The following ATG16L1 variants were observed in gnomAD, a reference collection of about 807,000 sequenced individuals.
The protein encoded by ATG16L1 is autophagy related 16 like 1.
ATG16L1 carries 37 observed loss-of-function variants against 88.5 expected under a neutral mutation model. The observed-to-expected ratio is 0.42, with a 90% CI of 0.32 to 0.55. The LOEUF (loss-of-function observed/expected upper bound fraction) is 0.55, where lower values mean the gene tolerates loss of function less well. Among genes scored for constraint, ATG16L1 ranks in the 20% least tolerant of loss-of-function variants. The pLI, the probability that ATG16L1 is intolerant of heterozygous loss-of-function variation, is 0.13. For synonymous variants in ATG16L1, 301 were observed against 281.0 expected, an observed-to-expected ratio of 1.07 and a Z score of -0.71; for missense variants, 554 against 752.8, an observed-to-expected ratio of 0.74 and a Z score of 3.09.
chr2:233,292,062 C>T (rs1574909048), intron 14 of ATG16L1, 66 bp from the exon 15 acceptor site: 4 of 1,559,638 alleles, frequency 2.6e-6, no homozygotes, highest in East Asian at 4.5e-5. Context: ...CTTTTTTTTC[C>T]TCCACGGCAT....
At chr2:233,274,158 G>T in intron 8 of ATG16L1, 1 of 1,151,274 alleles carries the variant, frequency 8.7e-7, no homozygotes, top group African/African-American at 1.5e-5. Flanking sequence ...AGGATGCTTT[G>T]CATGTTCCTA....
chr2:233,264,973 A>G lies in ATG16L1; in HGVS notation c.471A>G (p.Arg157=). ...DLRTKLCDLE[R]ANQTLKDEYD... ...GCACTAAGCTTTGTGACCTTGAAAG[A>G]GCCAACCAGACCCTGAAGGATGAAT... is the stretch of plus-strand genomic sequence containing the variant. Residue 157 remains arginine, a synonymous_variant, in exon 5 of 18, where the codon AGA becomes AGG. Transcript: ENST00000392017. 6.2e-7 allele frequency: 1 copy of G among 1,614,164 alleles called. No homozygotes were observed. Among genetic ancestry groups the G allele is most frequent in the Non-Finnish European group, 8.5e-7 (1 of 1,180,020 alleles).
At position 233,251,707 on chromosome 2, in the gene ATG16L1, T is replaced by G; in HGVS notation, c.-121T>G. The G allele has an allele frequency of 1.2e-6, 1 of 855,860 alleles. No homozygotes were observed. Among genetic ancestry groups the G allele is most frequent in the Non-Finnish European group, 1.9e-6 (1 of 532,340 alleles). 53.0% of individuals were successfully genotyped at this position (855,860 alleles called of 1,614,324 possible). On this transcript the variant is annotated 5_prime_UTR_variant, in exon 1 of 18. Transcript: ENST00000392017. ...CGGATGGCCTCGGGGACTGCCAGTG[T>G]GTGGAGGTGAGCTCCGGGATTGCCG...
At chr2:233,289,086 T>C in intron 12 of ATG16L1, 1 of 343,236 alleles carries the variant, frequency 2.9e-6, no homozygotes, top group South Asian at 2.3e-5. Flanking sequence ...CATCGAGGCT[T>C]TAAAAATTCT....
At chr2:233,275,228 G>A (rs1698267546) in intron 9 of ATG16L1, among the ~76,000 whole-genome samples, 1 of 152,150 alleles carries the variant, frequency 6.6e-6, no homozygotes, top group Admixed American at 6.5e-5. Context: ...AAGCAGTCCT[G>A]GGCAGAAGCC....
chr2:233,278,563 G>A (rs57581294), intron 10 of ATG16L1, among the ~76,000 whole-genome samples: 2,831 of 152,268 alleles, frequency 0.019, 93 homozygotes, highest in African/African-American at 0.064. Context: ...ATAAAACTCA[G>A]ATACTACGTG....
At chr2:233,256,483 A>G (rs1235261272) in intron 2 of ATG16L1, among the ~76,000 whole-genome samples, 1 of 152,076 alleles carries the variant, frequency 6.6e-6, no homozygotes, top group South Asian at 2.1e-4. Flanking sequence ...GCCAGGATTC[A>G]TGTTTTTTTG....
intron 9 of ATG16L1, chr2:233,275,898 C>G (rs774995875): frequency 1.9e-6 from 1 of 519,108 alleles, no homozygotes; most frequent in South Asian, 1.4e-5. Context: ...TGAGAGTGAT[C>G]GGCTCACAGC....
intron 12 of ATG16L1, chr2:233,283,025 A>T (rs1230895129): frequency 2.8e-6 from 1 of 355,628 alleles, no homozygotes; most frequent in African/African-American, 2.1e-5. Context: ...GGTAGATAGC[A>T]ATTTTGGCTT....
At chr2:233,265,228 G>GC in intron 5 of ATG16L1, 85 bp downstream of exon 5, 2 of 1,504,536 alleles carry the variant, frequency 1.3e-6, no homozygotes, top group Non-Finnish European at 1.8e-6. Context: ...AAACCTGGCA[G>GC]TTACTACAGG....
rs769320310 is a variant in ATG16L1, at chr2:233,289,902, C to T, written c.1252C>T (p.Leu418=). The part of the protein sequence containing the change: ...SGKVLSAKFL[L]DNARIVSGSH... The stretch of plus-strand genomic sequence containing the variant: ...GAAAGTGCTGTCTGCTAAGTTCCTG[C>T]TGGACAATGCGCGGATTGTCTCAGG... The change falls in exon 13 of 18, where the codon CTG becomes TTG. Residue 418 remains leucine, a synonymous_variant. Coordinates refer to ENST00000392017, the MANE Select transcript of ATG16L1 (RefSeq NM_030803.7). 7.4e-6 allele frequency: 12 copies of T among 1,614,208 alleles called. No homozygotes were observed. In the South Asian group the frequency reaches 1.2e-4, roughly 16 times the overall value.
chr2:233,280,381 G>A (rs974462383), intron 10 of ATG16L1, among the ~76,000 whole-genome samples: 2 of 152,134 alleles, frequency 1.3e-5, no homozygotes, highest in Non-Finnish European at 2.9e-5. Context: ...GGGATTGCCC[G>A]TTACTGAAAT....
chr2:233,282,322 G>C (rs916822909), intron 11 of ATG16L1, among the ~76,000 whole-genome samples: 5 of 152,328 alleles, frequency 3.3e-5, no homozygotes, highest in African/African-American at 1.2e-4. Context: ...CTCAGAGTGA[G>C]AGTTGGGAGA....
At chr2:233,261,724 A>G (rs1400571614) in intron 2 of ATG16L1, among the ~76,000 whole-genome samples, 1 of 152,118 alleles carries the variant, frequency 6.6e-6, no homozygotes, top group Non-Finnish European at 1.5e-5. Context: ...AGCTTTCCCT[A>G]GACAGTGGTT....
intron 2 of ATG16L1, among the ~76,000 whole-genome samples, chr2:233,258,012 A>T (rs1472729458): frequency 2.0e-4 from 20 of 101,878 alleles, no homozygotes; most frequent in Middle Eastern, 4.5e-3. Context: ...AAAAAAAAAA[A>T]AAAAATATCT....
At chr2:233,288,802 C>T (rs759610098) in intron 12 of ATG16L1, 3 of 519,218 alleles carry the variant, frequency 5.8e-6, no homozygotes, top group Non-Finnish European at 1.2e-5. Flanking sequence ...GCTGACACTC[C>T]GTGATGTCCC....
chr2:233,290,252 A>C lies in ATG16L1; in HGVS notation c.1329A>C (p.Ile443=). 1 of 1,614,146 alleles carries C rather than the reference A, an allele frequency of 6.2e-7. No homozygotes were observed. Among genetic ancestry groups the C allele is most frequent in the Non-Finnish European group, 8.5e-7 (1 of 1,179,966 alleles). ...KLWDLRSKVC[I]KTVFAGSSCN... is the part of the protein sequence containing the mutation. ...TGATGTTTGCATTTCTTTCAGGCAT[A>C]AAGACAGTGTTTGCAGGATCCAGTT... Residue 443 remains isoleucine, a synonymous_variant, in exon 14 of 18, where the codon ATA becomes ATC. Coordinates refer to ENST00000392017, the MANE Select transcript of ATG16L1 (RefSeq NM_030803.7).
In ATG16L1 at chr2:233,263,187, G is replaced by A. The variant is rs1183907818; in HGVS notation, c.267G>A (p.Arg89=). The A allele has an allele frequency of 6.2e-7, 1 of 1,614,146 alleles. No individual in the cohort carries two copies. Among genetic ancestry groups the A allele is most frequent in the South Asian group, 1.1e-5 (1 of 91,066 alleles). The change falls in exon 3 of 18, where the codon AGG becomes AGA. Residue 89 remains arginine (R), a synonymous_variant. Coordinates refer to ENST00000392017, the MANE Select transcript of ATG16L1 (RefSeq NM_030803.7). ...AGCTACAAGAAATGGCCCAACTGAG[G>A]ATTAAGCACCAAGAGGAACTGACTG... is the stretch of plus-strand genomic sequence containing the variant. ...DNQLQEMAQL[R]IKHQEELTEL...
chr2:233,258,802 T>A (rs572320325), intron 2 of ATG16L1, among the ~76,000 whole-genome samples: 1 of 152,226 alleles, frequency 6.6e-6, no homozygotes, highest in East Asian at 1.9e-4. Flanking sequence ...GCTCAAGCAA[T>A]CCTCCTGCCT....
Sources: allele counts gnomAD v4.1 joint callset (sites outside exome capture counted in the v4.1 genomes callset), GRCh38; gene constraint gnomAD v4.1.1; transcripts MANE v1.5; gene names NCBI Gene and HGNC (gene_info 2026-07-23, HGNC 2026-07-21).